The following LRRC4C variants were observed in gnomAD, a reference collection of about 807,000 sequenced individuals.
LRRC4C encodes leucine-rich repeat-containing protein 4C.
LRRC4C carries 5 observed loss-of-function variants against 33.6 expected under a neutral mutation model. That is an observed-to-expected ratio of 0.15 (90% confidence interval 0.08 to 0.31). The LOEUF is 0.31. LRRC4C is among the 10% of genes least tolerant of loss of function. The pLI, the probability that LRRC4C is intolerant of heterozygous loss-of-function variation, is 1.00. For missense variants in LRRC4C, 560 were observed against 796.7 expected (o/e 0.70, Z 3.58); for synonymous variants, 329 against 302.0 (o/e 1.09, Z -0.93).
intron 2 of LRRC4C, among the ~76,000 whole-genome samples, chr11:40,732,217 G>A (rs1388684099): frequency 2.0e-5 from 3 of 152,120 alleles, no homozygotes; most frequent in Non-Finnish European, 4.4e-5. Flanking sequence ...AGAAAAAAAA[G>A]TATGGCCCTC....
chr11:40,404,208 T>C (rs1949873156), intron 3 of LRRC4C, among the ~76,000 whole-genome samples: 2 of 152,092 alleles, frequency 1.3e-5, no homozygotes, highest in Admixed American at 1.3e-4. Context: ...TGTCATACCA[T>C]GTTTACAGCC....
At chr11:41,340,729 TA>T (rs1951606914) in intron 1 of LRRC4C, among the ~76,000 whole-genome samples, 1 of 152,150 alleles carries the variant, frequency 6.6e-6, no homozygotes, top group Non-Finnish European at 1.5e-5. Flanking sequence ...AAGATGGCAA[TA>T]AAGATGGAGC....
intron 1 of LRRC4C, among the ~76,000 whole-genome samples, chr11:41,258,430 A>G (rs962424154): frequency 6.6e-6 from 1 of 151,984 alleles, no homozygotes; most frequent in African/African-American, 2.4e-5. Context: ...TAGCAACACA[A>G]ACAGATCTGA....
intron 3 of LRRC4C, among the ~76,000 whole-genome samples, chr11:40,428,400 A>G (rs1218518418): frequency 6.6e-6 from 1 of 152,204 alleles, no homozygotes; most frequent in Non-Finnish European, 1.5e-5. Context: ...CATCTGTAAA[A>G]TGAGTTCATT....
At chr11:41,287,363 T>G (rs1317947905) in intron 1 of LRRC4C, among the ~76,000 whole-genome samples, 1 of 152,158 alleles carries the variant, frequency 6.6e-6, no homozygotes, top group Non-Finnish European at 1.5e-5. Context: ...GGTTTCTTAC[T>G]CTAACGATGA....
chr11:40,514,608 C>A (rs928776506), intron 3 of LRRC4C, among the ~76,000 whole-genome samples: 11 of 152,020 alleles, frequency 7.2e-5, no homozygotes, highest in African/African-American at 2.7e-4. Context: ...TAATTCGCTT[C>A]TTATTTTATC....
At chr11:40,578,999 G>A (rs1352551910) in intron 3 of LRRC4C, among the ~76,000 whole-genome samples, 1 of 152,080 alleles carries the variant, frequency 6.6e-6, no homozygotes, top group African/African-American at 2.4e-5. Flanking sequence ...TGATAGTTTG[G>A]GATTCACTGA....
intron 5 of LRRC4C, among the ~76,000 whole-genome samples, chr11:40,194,393 A>G (rs182719856): frequency 6.6e-6 from 1 of 152,334 alleles, no homozygotes; most frequent in East Asian, 1.9e-4. Context: ...TTTCCAGACA[A>G]GCAAATGCTG....
chr11:41,110,885 C>A (rs1161059041), intron 1 of LRRC4C, among the ~76,000 whole-genome samples: 1 of 151,974 alleles, frequency 6.6e-6, no homozygotes, highest in Non-Finnish European at 1.5e-5. Flanking sequence ...TGTAAGCAAG[C>A]ATCCGAGTAA....
At position 40,933,674 on chromosome 11, in the gene LRRC4C, C is replaced by A. The variant is rs1390196464; in HGVS notation, c.-446G>T. On this transcript the variant is annotated 5_prime_UTR_variant, in exon 2 of 7. Coordinates refer to ENST00000528697, the MANE Select transcript of LRRC4C (RefSeq NM_001258419.2). ...TTAGATGATGTTCCAGCTTATTTGG[C>A]CCCTCTCTCATTGGGTGACCTTGCA... is the stretch of plus-strand genomic sequence containing the variant. The A allele has an allele frequency of 1.3e-5, 2 of 152,146 alleles. No homozygotes were observed. The highest frequency in any genetic ancestry group is 2.4e-5 in the African/African-American group (1 of 41,428). The allele number at this position is 152,146 out of a possible 1,614,324, so 9.4% of individuals were successfully genotyped here.
chr11:41,064,854 T>C (rs1938096296), intron 1 of LRRC4C, among the ~76,000 whole-genome samples: 1 of 152,162 alleles, frequency 6.6e-6, no homozygotes, highest in Non-Finnish European at 1.5e-5. Context: ...AACGAAGCCC[T>C]GAGGGACTGT....
chr11:41,254,020 C>T (rs1268806994), intron 1 of LRRC4C, among the ~76,000 whole-genome samples: 1 of 151,830 alleles, frequency 6.6e-6, no homozygotes, highest in African/African-American at 2.4e-5. Flanking sequence ...TGTATAGGGC[C>T]CACTCAGTTT....
intron 2 of LRRC4C, among the ~76,000 whole-genome samples, chr11:40,821,168 T>C (rs1354442567): frequency 6.6e-6 from 1 of 151,702 alleles, no homozygotes; most frequent in Non-Finnish European, 1.5e-5. Flanking sequence ...TAAATGGAGA[T>C]GTATTTCATG....
At position 40,290,801 on chromosome 11, in the gene LRRC4C, G is replaced by C. The variant is rs557518242; in HGVS notation, c.-176+28827C>G. Among the ~76,000 whole-genome samples the C allele has an allele frequency of 2.6e-5, 4 of 152,236 alleles. No individual in the cohort carries two copies. The East Asian group carries it at 7.7e-4, about 29-fold the overall frequency. On this transcript the variant is annotated intron_variant, in intron 4 of 6. Coordinates refer to ENST00000528697, the MANE Select transcript of LRRC4C (RefSeq NM_001258419.2). Reference sequence around the variant, plus strand: ...AGGAAGAGGGAGAGAGGGAGGAAGGGAAGAGAGAAAATGAATGTTGGAGTT... The same window carrying C: ...AGGAAGAGGGAGAGAGGGAGGAAGGCAAGAGAGAAAATGAATGTTGGAGTT...
chr11:41,039,177 G>A (rs1413066215), intron 1 of LRRC4C, among the ~76,000 whole-genome samples: 1 of 152,090 alleles, frequency 6.6e-6, no homozygotes, highest in South Asian at 2.1e-4. Context: ...CACAGGGGTC[G>A]TATATAACCT....
At chr11:41,306,306 T>TCTCA (rs1464799334) in intron 1 of LRRC4C, among the ~76,000 whole-genome samples, 1 of 152,236 alleles carries the variant, frequency 6.6e-6, no homozygotes, top group Non-Finnish European at 1.5e-5. Flanking sequence ...AGTATCTTTG[T>TCTCA]CTCACCTTCA....
chr11:40,829,338 A>C (rs1952305807), intron 2 of LRRC4C, among the ~76,000 whole-genome samples: 1 of 152,016 alleles, frequency 6.6e-6, no homozygotes, highest in African/African-American at 2.4e-5. Context: ...ATGCTTTCTT[A>C]TTCTTGCTTT....
intron 1 of LRRC4C, among the ~76,000 whole-genome samples, chr11:41,456,157 C>T (rs1956165053): frequency 6.6e-6 from 1 of 152,132 alleles, no homozygotes; most frequent in South Asian, 2.1e-4. Flanking sequence ...TTCCAAGATC[C>T]TTCATTTTCT....
chr11:41,118,933 G>C (rs1942281511), intron 1 of LRRC4C, among the ~76,000 whole-genome samples: 1 of 151,080 alleles, frequency 6.6e-6, no homozygotes, highest in South Asian at 2.1e-4. Flanking sequence ...AAATAGTTGT[G>C]CTCCTCCTGT....
Sources: gnomAD v4.1 joint callset for allele counts (sites outside exome capture counted in the v4.1 genomes callset) on GRCh38, gnomAD v4.1.1 for gene constraint, MANE v1.5 for transcripts, NCBI Gene and HGNC (gene_info 2026-07-23, HGNC 2026-07-21) for gene names.